The following SCAPER variants were observed in gnomAD, a reference collection of about 807,000 sequenced individuals.
SCAPER encodes the protein S-phase cyclin A associated protein in the ER.
A neutral mutation model predicts 182.2 loss-of-function variants in SCAPER; 98 were observed. The observed-to-expected ratio is 0.54, with a 90% confidence interval of 0.46 to 0.64. SCAPER has a LOEUF of 0.64. Ranked by LOEUF, SCAPER falls within the 30% of genes least tolerant of loss-of-function variation. The pLI is 0.00. For synonymous variants in SCAPER, 605 were observed against 564.6 expected (o/e 1.07, Z -1.01); for missense variants, 1,432 against 1,690.0 (o/e 0.85, Z 2.68).
intron 22 of SCAPER, among the ~76,000 whole-genome samples, chr15:76,588,484 T>A (rs1382835607): frequency 6.6e-6 from 1 of 152,206 alleles, no homozygotes; most frequent in Non-Finnish European, 1.5e-5. Flanking sequence ...TTTATGTGAG[T>A]CCTTATGAGT....
Position 76,703,723 on chromosome 15 carries a change from C to A in SCAPER, c.2248-721G>T, listed in dbSNP as rs183756240. Among the ~76,000 whole-genome samples the A allele has an allele frequency of 5.3e-5, 8 of 152,294 alleles. No homozygotes were observed. In the East Asian group the frequency reaches 1.5e-3, roughly 29 times the overall value. On this transcript the variant is annotated intron_variant, in intron 18 of 31. Coordinates refer to ENST00000563290, the MANE Select transcript of SCAPER (RefSeq NM_020843.4). The stretch of plus-strand genomic sequence containing the variant: ...AGTGTCCTCTTCTGTGCTTCCACAG[C>A]ATTTCATGTATGCCTCTCTTTATGT...
intron 1 of SCAPER, among the ~76,000 whole-genome samples, chr15:76,903,105 C>T (rs1232548912): frequency 6.6e-6 from 1 of 151,800 alleles, no homozygotes; most frequent in Non-Finnish European, 1.5e-5. Flanking sequence ...AATCTCAAGT[C>T]CCTTCATCTT....
At chr15:76,368,578 C>CAGG (rs1302166765) in intron 29 of SCAPER, among the ~76,000 whole-genome samples, 1 of 152,254 alleles carries the variant, frequency 6.6e-6, no homozygotes, top group Non-Finnish European at 1.5e-5. Flanking sequence ...CAGAAGCTTT[C>CAGG]AGGAGCCTTT....
intron 31 of SCAPER, chr15:76,350,603 G>C (rs1290268508): frequency 1.3e-5 from 2 of 152,100 alleles, no homozygotes; most frequent in African/African-American, 4.8e-5. Context: ...CTCAATTACA[G>C]TCTGGGTAGC....
chr15:76,820,176 T>C (rs1317464397), intron 5 of SCAPER, among the ~76,000 whole-genome samples: 1 of 152,150 alleles, frequency 6.6e-6, no homozygotes, highest in African/African-American at 2.4e-5. Flanking sequence ...TGGAAGTCGG[T>C]GTGGCGATTC....
chr15:76,704,447 C>T (rs1039243937), intron 18 of SCAPER, among the ~76,000 whole-genome samples: 3 of 152,160 alleles, frequency 2.0e-5, no homozygotes, highest in South Asian at 2.1e-4. Flanking sequence ...AGGGTTTTTA[C>T]CGTTTTAGGT....
At chr15:76,845,608 T>C (rs1409900745) in intron 4 of SCAPER, among the ~76,000 whole-genome samples, 1 of 151,542 alleles carries the variant, frequency 6.6e-6, no homozygotes, top group African/African-American at 2.4e-5. Flanking sequence ...CCATTTACAG[T>C]AGACACAAAT....
intron 26 of SCAPER, among the ~76,000 whole-genome samples, chr15:76,416,166 TC>T (rs1182820322): frequency 6.6e-6 from 1 of 151,910 alleles, no homozygotes; most frequent in East Asian, 1.9e-4. Flanking sequence ...ATATTCCCCA[TC>T]ACTAGCAATA....
intron 1 of SCAPER, among the ~76,000 whole-genome samples, chr15:76,889,403 T>C (rs1409391386): frequency 6.6e-6 from 1 of 152,110 alleles, no homozygotes; most frequent in Non-Finnish European, 1.5e-5. Flanking sequence ...TCAAGACCCA[T>C]CAGTGTGCTG....
rs770804164 is a variant in SCAPER at position 76,693,619 on chromosome 15, T to C, written c.2508+8139A>G. On this transcript the variant is annotated intron_variant, in intron 20 of 31. Transcript: ENST00000563290. ...AACAGATGAATGGCTATACAAAATA[T>C]AGTATACACAATTGAATATGATTAA... 1.8e-4 allele frequency among the ~76,000 whole-genome samples: 27 copies of C among 152,264 alleles called. 1 individual carries two copies. In the South Asian group the frequency reaches 4.8e-3, roughly 27 times the overall value.
Position 76,766,981 on chromosome 15 carries a change from T to C in SCAPER, c.1356A>G (p.Arg452=). 6.2e-7 allele frequency: 1 copy of C among 1,608,948 alleles called. No homozygotes were observed. Among genetic ancestry groups the C allele is most frequent in the East Asian group, 2.2e-5 (1 of 44,740 alleles). Residue 452 remains arginine, a synonymous_variant, in exon 11 of 32, where the codon AGA becomes AGG. Transcript: ENST00000563290. ...CATTGTTTTCTTCAGCTTCAATTTC[T>C]CTAGTTAACTGTTCTTCTTCAGCAA... ...SAIAEEEQLT[R]EIEAEENNDI...
At chr15:76,662,519 G>T (rs1222521042) in intron 21 of SCAPER, among the ~76,000 whole-genome samples, 1 of 152,016 alleles carries the variant, frequency 6.6e-6, no homozygotes, top group African/African-American at 2.4e-5. Context: ...TAGAAATCAA[G>T]AGAGTTTAAA....
intron 20 of SCAPER, among the ~76,000 whole-genome samples, chr15:76,691,954 T>A (rs2058384524): frequency 6.6e-6 from 1 of 152,190 alleles, no homozygotes. Flanking sequence ...ATGAATGGAT[T>A]ATGAGCTTGA....
At chr15:76,400,277 G>C (rs2044368637) in intron 27 of SCAPER, among the ~76,000 whole-genome samples, 2 of 152,164 alleles carry the variant, frequency 1.3e-5, no homozygotes, top group Non-Finnish European at 2.9e-5. Flanking sequence ...GGGCTAGGAG[G>C]ACAAAGCCTT....
At chr15:76,650,485 G>GTA (rs2054937296) in intron 21 of SCAPER, among the ~76,000 whole-genome samples, 1 of 151,870 alleles carries the variant, frequency 6.6e-6, no homozygotes, top group African/African-American at 2.4e-5. Flanking sequence ...TTCTAAATTT[G>GTA]TATATATATC....
At chr15:76,771,677 G>T in intron 10 of SCAPER, 65 bp downstream of exon 10, 1 of 1,179,416 alleles carries the variant, frequency 8.5e-7, no homozygotes, top group Non-Finnish European at 1.3e-6. Flanking sequence ...TATTATTGGG[G>T]TTTATGCTTC....
intron 20 of SCAPER, among the ~76,000 whole-genome samples, chr15:76,697,251 T>G (rs965822091): frequency 6.6e-6 from 1 of 152,158 alleles, no homozygotes; most frequent in Non-Finnish European, 1.5e-5. Context: ...GAAAATAACC[T>G]TTTTATATCA....
intron 21 of SCAPER, among the ~76,000 whole-genome samples, chr15:76,625,758 C>T (rs991938335): frequency 7.2e-5 from 11 of 152,020 alleles, no homozygotes; most frequent in Admixed American, 1.3e-4. Flanking sequence ...CGTGGCTAGA[C>T]GCAGGAGTCC....
intron 18 of SCAPER, among the ~76,000 whole-genome samples, chr15:76,704,524 T>G (rs2059139276): frequency 6.6e-6 from 1 of 152,166 alleles, no homozygotes; most frequent in Non-Finnish European, 1.5e-5. Flanking sequence ...GGGATCCAGT[T>G]TCAGCTTTCT....
Sources: gnomAD v4.1 joint callset for allele counts (sites outside exome capture counted in the v4.1 genomes callset) on GRCh38, gnomAD v4.1.1 for gene constraint, MANE v1.5 for transcripts, NCBI Gene and HGNC (gene_info 2026-07-23, HGNC 2026-07-21) for gene names.